Variants in ROBO1 observed in about 807,000 individuals in gnomAD.
ROBO1 encodes roundabout homolog 1.
ROBO1 carries 149 observed loss-of-function variants against 195.9 expected under a neutral mutation model. That is an observed-to-expected ratio of 0.76 (90% CI 0.67 to 0.87). The LOEUF is 0.87. ROBO1 is among the 40% of genes least tolerant of loss of function. The pLI, the probability that ROBO1 is intolerant of heterozygous loss-of-function variation, is 0.00. For synonymous variants in ROBO1, 816 were observed against 733.2 expected, an observed-to-expected ratio of 1.11 and a Z score of -1.82; for missense variants, 1,933 against 2,068.3, an observed-to-expected ratio of 0.93 and a Z score of 1.27.
intron 1 of ROBO1, among the ~76,000 whole-genome samples, chr3:79,656,992 C>G (rs950916081): frequency 6.6e-6 from 1 of 152,070 alleles, no homozygotes; most frequent in African/African-American, 2.4e-5. Context: ...ATTACATGAT[C>G]AAACTACATC....
chr3:78,771,263 T>G (rs1332449002), intron 4 of ROBO1, among the ~76,000 whole-genome samples: 1 of 152,172 alleles, frequency 6.6e-6, no homozygotes, highest in Non-Finnish European at 1.5e-5. Context: ...ATGTGTCCAT[T>G]TTTGTACCAG....
chr3:78,874,386 C>T (rs2035718082), intron 4 of ROBO1, among the ~76,000 whole-genome samples: 1 of 151,588 alleles, frequency 6.6e-6, no homozygotes, highest in Non-Finnish European at 1.5e-5. Flanking sequence ...TTTTTAAAAG[C>T]CAACTTAAAA....
At chr3:78,833,973 A>C (rs1390633533) in intron 4 of ROBO1, among the ~76,000 whole-genome samples, 1 of 152,212 alleles carries the variant, frequency 6.6e-6, no homozygotes, top group Non-Finnish European at 1.5e-5. Context: ...GGATAAGCAG[A>C]GAGAAGGGGA....
At chr3:79,512,760 C>G (rs1436419925) in intron 2 of ROBO1, 1 of 152,070 alleles carries the variant, frequency 6.6e-6, no homozygotes, top group South Asian at 2.1e-4. Flanking sequence ...GTTAGACATT[C>G]AGAGATGAAC....
chr3:78,709,776 A>G (rs183306771), intron 8 of ROBO1, among the ~76,000 whole-genome samples: 2 of 152,328 alleles, frequency 1.3e-5, no homozygotes, highest in Admixed American at 1.3e-4. Flanking sequence ...AAGCACCACT[A>G]TTTTACAGAG....
chr3:78,651,830 G>T lies in ROBO1; in HGVS notation c.2714C>A (p.Ala905Glu). 2 of 1,613,806 alleles carry T rather than the reference G, an allele frequency of 1.2e-6. No homozygotes were observed. Among genetic ancestry groups the T allele is most frequent in the Non-Finnish European group, 1.7e-6 (2 of 1,179,756 alleles). ...GACCATGAGGATGATCCAACAGGCT[G>T]CTCCAATACCTGCTATGAAGGCCGG... ...KQPAFIAGIG[A>E]ACWIILMVFS... The change falls in exon 19 of 31, where the codon GCA (alanine) becomes GAA (glutamate). Residue 905 changes from alanine to glutamate, a missense_variant. Ala to Glu is a moderately radical substitution (Grantham distance 107, BLOSUM62 -1). Coordinates refer to ENST00000464233, the MANE Select transcript of ROBO1 (RefSeq NM_002941.4).
intron 17 of ROBO1, among the ~76,000 whole-genome samples, chr3:78,658,836 T>A (rs574915149): frequency 5.3e-5 from 8 of 152,314 alleles, no homozygotes; most frequent in South Asian, 2.1e-4. Context: ...GTGATTTTTT[T>A]AAAAATCCCA....
chr3:79,069,987 T>C (rs901068709), intron 3 of ROBO1, among the ~76,000 whole-genome samples: 1 of 151,888 alleles, frequency 6.6e-6, no homozygotes, highest in Non-Finnish European at 1.5e-5. Flanking sequence ...TCCCTCTTCA[T>C]CTTTTCCCTC....
intron 2 of ROBO1, among the ~76,000 whole-genome samples, chr3:79,197,167 C>T (rs923827295): frequency 6.6e-6 from 1 of 151,852 alleles, no homozygotes; most frequent in Admixed American, 6.6e-5. Flanking sequence ...TTAGGTATTT[C>T]TCCTAATGCT....
At chr3:79,233,539 A>G (rs557444039) in intron 2 of ROBO1, among the ~76,000 whole-genome samples, 3 of 152,244 alleles carry the variant, frequency 2.0e-5, no homozygotes, top group Non-Finnish European at 4.4e-5. Flanking sequence ...AACAAGTGGG[A>G]TCCAATGCAG....
At chr3:78,670,424 T>A in intron 10 of ROBO1, 123 bp from the exon 11 acceptor site, 1 of 771,558 alleles carries the variant, frequency 1.3e-6, no homozygotes, top group Non-Finnish European at 2.1e-6. Context: ...GTAATTAAAG[T>A]AGCAGACATG....
At position 79,756,469 on chromosome 3, in the gene ROBO1, A is replaced by G. The variant is rs1704404091; in HGVS notation, c.-51+11283T>C. On this transcript the variant is annotated intron_variant, in intron 1 of 30. Coordinates refer to ENST00000464233, the MANE Select transcript of ROBO1 (RefSeq NM_002941.4). ...GGGGCGGAGGCAGGAGAATTGCTTGAACCCAGGGTGGCAAAAATTGCAGTG... is the reference window on the plus strand; with the variant it reads ...GGGGCGGAGGCAGGAGAATTGCTTGGACCCAGGGTGGCAAAAATTGCAGTG... 2.0e-5 allele frequency among the ~76,000 whole-genome samples: 3 copies of G among 150,394 alleles called. No individual in the cohort carries two copies. In the South Asian group the frequency reaches 6.3e-4, roughly 32 times the overall value.
chr3:79,500,723 T>C (rs1379087408), intron 2 of ROBO1, among the ~76,000 whole-genome samples: 1 of 152,218 alleles, frequency 6.6e-6, no homozygotes, highest in Non-Finnish European at 1.5e-5. Context: ...CACATAAGCT[T>C]GAGAAGCTCT....
intron 1 of ROBO1, among the ~76,000 whole-genome samples, chr3:79,720,996 G>A (rs1349035762): frequency 6.6e-6 from 1 of 152,074 alleles, no homozygotes; most frequent in Non-Finnish European, 1.5e-5. Flanking sequence ...TTTTCATCGT[G>A]TTAGCCACGA....
intron 2 of ROBO1, among the ~76,000 whole-genome samples, chr3:79,155,158 A>T (rs1200109309): frequency 7.3e-5 from 11 of 150,960 alleles, no homozygotes; most frequent in Non-Finnish European, 1.2e-4. Context: ...GTCACTCTGC[A>T]CAATGAATAA....
chr3:79,282,003 A>C (rs1576917981), intron 2 of ROBO1, among the ~76,000 whole-genome samples: 1 of 152,190 alleles, frequency 6.6e-6, no homozygotes, highest in Non-Finnish European at 1.5e-5. Context: ...TTTGACCCTA[A>C]ATTAGTGCTG....
At chr3:79,105,894 G>T (rs904891481) in intron 3 of ROBO1, among the ~76,000 whole-genome samples, 2 of 151,692 alleles carry the variant, frequency 1.3e-5, no homozygotes, top group Non-Finnish European at 3.0e-5. Context: ...ATTTATTTTT[G>T]TAGAATGGAT....
At chr3:78,649,048 T>C (rs921159875) in intron 19 of ROBO1, among the ~76,000 whole-genome samples, 6 of 151,996 alleles carry the variant, frequency 3.9e-5, no homozygotes, top group African/African-American at 1.4e-4. Flanking sequence ...TTGTGTTTTT[T>C]TTCAGTCAGG....
intron 3 of ROBO1, among the ~76,000 whole-genome samples, chr3:79,034,688 G>T (rs2078353175): frequency 6.6e-6 from 1 of 152,146 alleles, no homozygotes; most frequent in Non-Finnish European, 1.5e-5. Flanking sequence ...AATAATAACT[G>T]GGAGCTACTT....
Sources: gnomAD v4.1 joint callset for allele counts (sites outside exome capture counted in the v4.1 genomes callset) on GRCh38, gnomAD v4.1.1 for gene constraint, MANE v1.5 for transcripts, NCBI Gene and HGNC (gene_info 2026-07-23, HGNC 2026-07-21) for gene names.